ZNF7: variants seen among roughly 807,000 people sequenced by gnomAD.
The protein encoded by ZNF7 is zinc finger protein 7.
A neutral mutation model predicts 12.0 loss-of-function variants in ZNF7; 10 were observed. The observed-to-expected ratio is 0.83, with a 90% CI of 0.51 to 1.42. ZNF7 has a LOEUF of 1.42. ZNF7 is among the 40% of genes most tolerant of loss of function. The pLI is 0.00. For synonymous variants in ZNF7, 334 were observed against 295.0 expected (o/e 1.13, Z -1.35); for missense variants, 854 against 837.2 (o/e 1.02, Z -0.25).
At chr8:144,837,006 C>T (rs79007298) in intron 3 of ZNF7, 1,727 of 165,928 alleles carry the variant, frequency 0.01, 15 homozygotes, top group South Asian at 0.026. Flanking sequence ...TTGTAACCAC[C>T]CCTGCCTCTT....
intron 3 of ZNF7, among the ~76,000 whole-genome samples, chr8:144,830,139 C>T (rs1441444716): frequency 6.6e-6 from 1 of 152,168 alleles, no homozygotes. Flanking sequence ...GGGGGTGCGT[C>T]TTAACTTGGG....
At chr8:144,846,335 CT>C, downstream of ZNF7, 1 of 681,012 alleles carries the variant, frequency 1.5e-6, no homozygotes, top group Non-Finnish European at 2.4e-6. Flanking sequence ...CCATTCGTAG[CT>C]TTTTACATTT....
At chr8:144,836,593 G>A (rs2736648) in intron 3 of ZNF7, 62,383 of 152,164 alleles carry the variant, frequency 0.41, 12,954 homozygotes, top group East Asian at 0.57. Flanking sequence ...ACTTGGAGAG[G>A]ATATGCATTT....
intron 2 of ZNF7, 85 bp from the exon 3 acceptor site, chr8:144,829,393 C>A: frequency 1.3e-6 from 2 of 1,592,238 alleles, no homozygotes; most frequent in South Asian, 1.1e-5. Flanking sequence ...CCCCATGGGG[C>A]AGCTGCCTGA....
chr8:144,842,347 A>G lies in ZNF7; in HGVS notation c.1240A>G (p.Lys414Glu). The G allele has an allele frequency of 1.2e-6, 2 of 1,613,872 alleles. No individual in the cohort carries two copies. Among genetic ancestry groups the G allele is most frequent in the Non-Finnish European group, 1.7e-6 (2 of 1,180,016 alleles). ...AATTCACGCTGTAGAGAAACCATTT[A>G]AGTGTGATGAGTGTGGGAAAGCTTT... ...QRIHAVEKPF[K>E]CDECGKAFRW... Residue 414 changes from lysine (K) to glutamate (E), a missense_variant, in exon 5 of 5, where the codon AAG becomes GAG. Lys to Glu is a moderately conservative substitution (Grantham distance 56). Coordinates refer to ENST00000532777, the MANE Select transcript of ZNF7 (RefSeq NM_003416.4).
intron 3 of ZNF7, chr8:144,833,757 A>G (rs1350251212): frequency 6.6e-6 from 1 of 152,146 alleles, no homozygotes; most frequent in African/African-American, 2.4e-5. Flanking sequence ...CTACAAGAAT[A>G]CTAAAAGAAT....
At position 144,841,357 on chromosome 8, in the gene ZNF7, T is replaced by C; in HGVS notation, c.250T>C (p.Ser84Pro). Reference protein sequence around the residue: ...TEAPRTSKTDSTIRTENEQAC... With the variant: ...TEAPRTSKTDPTIRTENEQAC... ...GTCTTTGTTCCTGTTTATTTCAGAT[T>C]CTACGATTAGGACTGAAAATGAGCA... The change falls in exon 5 of 5, where the codon TCT (serine) becomes CCT (proline). Residue 84 changes from serine to proline, a missense_variant and splice_region_variant. Physicochemically the swap from Ser to Pro is moderately conservative, Grantham distance 74 (BLOSUM62 -1). Coordinates refer to ENST00000532777, the MANE Select transcript of ZNF7 (RefSeq NM_003416.4). The C allele has an allele frequency of 6.3e-7, 1 of 1,597,414 alleles. No individual in the cohort carries two copies. The highest frequency in any genetic ancestry group is 8.6e-7 in the Non-Finnish European group (1 of 1,168,704).
At chr8:144,846,458 G>T, downstream of ZNF7, 1 of 330,492 alleles carries the variant, frequency 3.0e-6, no homozygotes, top group Non-Finnish European at 5.6e-6. Flanking sequence ...CGTCTTCATG[G>T]AGCCTCTGGC....
At chr8:144,844,246 C>T (rs571726414), downstream of ZNF7, among the ~76,000 whole-genome samples, 57 of 152,268 alleles carry the variant, frequency 3.7e-4, no homozygotes, top group African/African-American at 1.3e-3. Flanking sequence ...TGTCAGAGAA[C>T]GAGCACTCAA....
At chr8:144,828,226 G>A (rs1257136727) in intron 1 of ZNF7, among the ~76,000 whole-genome samples, 2 of 152,178 alleles carry the variant, frequency 1.3e-5, no homozygotes, top group Non-Finnish European at 2.9e-5. Context: ...CCGACCTCCC[G>A]GGGGAATGCC....
intron 3 of ZNF7, among the ~76,000 whole-genome samples, chr8:144,830,426 C>T (rs1229230469): frequency 1.3e-5 from 2 of 152,166 alleles, no homozygotes; most frequent in Admixed American, 6.5e-5. Context: ...ATTTTCACAC[C>T]CTCATTAGCT....
chr8:144,844,465 C>G (rs1291400420), downstream of ZNF7, among the ~76,000 whole-genome samples: 1 of 151,576 alleles, frequency 6.6e-6, no homozygotes, highest in Non-Finnish European at 1.5e-5. Context: ...AATCCCAGCA[C>G]TTTGGGAGGT....
rs1483038819 is a variant in ZNF7 at position 144,832,249 on chromosome 8, A to G, written c.130+2645A>G. Among the ~76,000 whole-genome samples, 3 of 84,476 alleles carry G rather than the reference A, an allele frequency of 3.6e-5. 1 individual carries two copies. The highest frequency in any genetic ancestry group is 1.1e-4 in the African/African-American group (3 of 26,768). The allele number at this position is 84,476 out of a possible 152,430, so 55.4% of individuals were successfully genotyped here. A position where few individuals can be genotyped will look rare whatever the true frequency, so the allele number is the denominator to read the frequency against. On this transcript the variant is annotated intron_variant, in intron 3 of 4. Transcript: ENST00000532777. ...GGCAACACAGTGAAACCCTGTCTTT[A>G]TTAAAATGCAAAAAAAAAAAAAAAT... is the stretch of plus-strand genomic sequence containing the variant.
In ZNF7 at chr8:144,841,904, A is replaced by C. The variant is rs1563841848; in HGVS notation, c.797A>C (p.Asn266Thr). ...GKVFRLCSQL[N>T]QHQRIHTGEK... ...GTCTTCAGGCTCTGCTCGCAGCTTA[A>C]TCAGCATCAGAGAATCCACACGGGA... Residue 266 changes from asparagine (N) to threonine (T), a missense_variant, in exon 5 of 5, where the codon AAT (asparagine) becomes ACT (threonine). Coordinates refer to ENST00000532777, the MANE Select transcript of ZNF7 (RefSeq NM_003416.4). 1 of 1,614,036 alleles carries C rather than the reference A, an allele frequency of 6.2e-7. No homozygotes were observed. The highest frequency in any genetic ancestry group is 8.5e-7 in the Non-Finnish European group (1 of 1,179,984).
Position 144,842,551 on chromosome 8 carries a change from T to C in ZNF7, c.1444T>C (p.Ser482Pro). The change falls in exon 5 of 5, where the codon TCA (serine) becomes CCA (proline). Residue 482 changes from serine to proline, a missense_variant. Ser to Pro is a moderately conservative substitution (Grantham distance 74). Transcript: ENST00000532777. The stretch of plus-strand genomic sequence containing the variant: ...GTGTGGCAAAGGCTTTGTTCAGGGC[T>C]CACACCTTATTCAGCATCAGCGAAT... ...DECGKGFVQG[S>P]HLIQHQRIHT... The C allele has an allele frequency of 6.2e-7, 1 of 1,614,148 alleles. No homozygotes were observed. The highest frequency in any genetic ancestry group is 1.7e-5 in the Admixed American group (1 of 60,030).
In ZNF7 at chr8:144,831,687, G is replaced by GTCAGAGTTTGAGACCAGC. The variant is rs1563826644; in HGVS notation, c.130+2083_130+2084insTCAGAGTTTGAGACCAGC. Among the ~76,000 whole-genome samples the GTCAGAGTTTGAGACCAGC allele has an allele frequency of 6.9e-4, 70 of 101,012 alleles. 2 individuals are homozygous for GTCAGAGTTTGAGACCAGC. Among genetic ancestry groups the GTCAGAGTTTGAGACCAGC allele is most frequent in the Admixed American group, 1.3e-3 (12 of 9,498 alleles). The allele number at this position is 101,012 out of a possible 152,430, so 66.3% of individuals were successfully genotyped here. A position where few individuals can be genotyped will look rare whatever the true frequency, so the allele number is the denominator to read the frequency against. ...AATCCCAGCTACTCGGGAGGCTGAG[G>GTCAGAGTTTGAGACCAGC]CACGAGAATCGCTTGAACCCTGGAG... On this transcript the variant is annotated intron_variant, in intron 3 of 4. Coordinates refer to ENST00000532777, the MANE Select transcript of ZNF7 (RefSeq NM_003416.4).
chr8:144,842,794 A>G lies in ZNF7; in HGVS notation c.1687A>G (p.Ser563Gly). Residue 563 changes from serine to glycine, a missense_variant, in exon 5 of 5, where the codon AGT (serine) becomes GGT (glycine). Ser to Gly is a moderately conservative substitution (Grantham distance 56, BLOSUM62 0). Transcript: ENST00000532777. ...YKCNECGKAF[S>G]QNSTLFQHQI... ...ATGTAATGAATGTGGGAAAGCCTTC[A>G]GTCAAAACTCAACCCTTTTCCAACA... The G allele has an allele frequency of 6.2e-7, 1 of 1,614,246 alleles. No homozygotes were observed. The highest frequency in any genetic ancestry group is 8.5e-7 in the Non-Finnish European group (1 of 1,180,052).
chr8:144,842,244 G>C lies in ZNF7; in HGVS notation c.1137G>C (p.Gln379His), dbSNP rs753050056. The C allele has an allele frequency of 6.2e-7, 1 of 1,614,070 alleles. No homozygotes were observed. Among genetic ancestry groups the C allele is most frequent in the Admixed American group, 1.7e-5 (1 of 60,020 alleles). Residue 379 changes from glutamine to histidine, a missense_variant, in exon 5 of 5, where the codon CAG (glutamine) becomes CAC (histidine). Transcript: ENST00000532777. The part of the protein sequence containing the change: ...KAFSQSSTLA[Q>H]HQRMHTGEKA... ...TCAGCCAGAGCTCCACCCTAGCCCA[G>C]CATCAAAGGATGCATACTGGGGAGA... is the stretch of plus-strand genomic sequence containing the variant.
intron 3 of ZNF7, chr8:144,834,165 A>G (rs936325054): frequency 2.6e-5 from 4 of 152,198 alleles, no homozygotes; most frequent in African/African-American, 9.6e-5. Flanking sequence ...TCAATGTAAA[A>G]GTTTTGATTT....
Sources: allele counts gnomAD v4.1 joint callset (sites outside exome capture counted in the v4.1 genomes callset), GRCh38; gene constraint gnomAD v4.1.1; transcripts MANE v1.5; gene names NCBI Gene and HGNC (gene_info 2026-07-23, HGNC 2026-07-21).